The following OPCML variants were observed in gnomAD, a reference collection of about 807,000 sequenced individuals.
OPCML encodes opioid binding protein/cell adhesion molecule like, also known as opioid-binding protein/cell adhesion molecule.
A neutral mutation model predicts 37.8 loss-of-function variants in OPCML; 13 were observed. The observed-to-expected ratio is 0.34, with a 90% CI of 0.22 to 0.55. The LOEUF (loss-of-function observed/expected upper bound fraction) is 0.55. OPCML is among the 20% of genes least tolerant of loss of function. OPCML has a pLI of 0.91. For missense variants in OPCML, 341 were observed against 435.6 expected (o/e 0.78, Z 1.93); for synonymous variants, 176 against 168.8 (o/e 1.04, Z -0.33).
chr11:133,089,858 T>C (rs144897997), intron 1 of OPCML, among the ~76,000 whole-genome samples: 1 of 152,300 alleles, frequency 6.6e-6, no homozygotes, highest in Non-Finnish European at 1.5e-5. Context: ...TGTCAATGAT[T>C]TAATAAACAG....
intron 2 of OPCML, among the ~76,000 whole-genome samples, chr11:132,725,384 C>T (rs999255433): frequency 6.6e-6 from 1 of 152,180 alleles, no homozygotes; most frequent in African/African-American, 2.4e-5. Flanking sequence ...TTAGGATGCA[C>T]ACAGCAGGGG....
At chr11:132,434,211 C>T (rs976563363) in intron 7 of OPCML, among the ~76,000 whole-genome samples, 5 of 152,124 alleles carry the variant, frequency 3.3e-5, no homozygotes, top group African/African-American at 7.2e-5. Flanking sequence ...CACTGGGATG[C>T]GGGCAGCACT....
At position 133,140,531 on chromosome 11, in the gene OPCML, T is replaced by TAATAATAATAATAATAAGAAGAAG. The variant is rs1272061685; in HGVS notation, c.62-197522_62-197521insCTTCTTCTTATTATTATTATTATT. Among the ~76,000 whole-genome samples, 227 of 88,096 alleles carry TAATAATAATAATAATAAGAAGAAG rather than the reference T, an allele frequency of 2.6e-3. 1 individual carries two copies. Among genetic ancestry groups the TAATAATAATAATAATAAGAAGAAG allele is most frequent in the Middle Eastern group, 6.8e-3 (1 of 146 alleles). 57.8% of individuals were successfully genotyped at this position (88,096 alleles called of 152,430 possible). ...TGTCTCAAAATAATAATAATAATAA[T>TAATAATAATAATAATAAGAAGAAG]AAGAAGAAGAAGAAGAAGAAGAAGA... On this transcript the variant is annotated intron_variant, in intron 1 of 7. Transcript: ENST00000524381.
intron 2 of OPCML, among the ~76,000 whole-genome samples, chr11:132,897,593 G>C (rs1943898232): frequency 6.6e-6 from 1 of 152,214 alleles, no homozygotes; most frequent in South Asian, 2.1e-4. Context: ...ATCGGGCTTT[G>C]TGGACAAATG....
At chr11:132,469,670 GTGTGTGTATA>G (rs1444576553) in intron 4 of OPCML, among the ~76,000 whole-genome samples, 24 of 136,948 alleles carry the variant, frequency 1.8e-4, no homozygotes, top group African/African-American at 6.6e-4. Flanking sequence ...GGGGGTGTAT[GTGTGTGTATA>G]TGTGTGGGGG....
At chr11:133,219,447 T>G (rs566988) in intron 1 of OPCML, among the ~76,000 whole-genome samples, 50,742 of 151,886 alleles carry the variant, frequency 0.33, 9,275 homozygotes, top group African/African-American at 0.47. Context: ...TTTTGCCTAA[T>G]CTAGTTAATA....
intron 3 of OPCML, among the ~76,000 whole-genome samples, chr11:132,553,103 G>A (rs527587852): frequency 2.5e-4 from 38 of 152,086 alleles, no homozygotes; most frequent in Admixed American, 4.6e-4. Flanking sequence ...TGTGCTTTCC[G>A]CTATTGATGT....
Position 133,194,692 on chromosome 11 carries a change from A to C in OPCML, c.62-251682T>G, listed in dbSNP as rs1182508404. On this transcript the variant is annotated intron_variant, in intron 1 of 7. Transcript: ENST00000524381. ...TATAAAACACAAAAGCCTCTTCCTC[A>C]AGATCCTTTGAAAATTTCGTATTGC... Among the ~76,000 whole-genome samples, 4 of 152,190 alleles carry C rather than the reference A, an allele frequency of 2.6e-5. No individual in the cohort carries two copies. The South Asian group carries it at 6.2e-4, about 24-fold the overall frequency.
intron 1 of OPCML, among the ~76,000 whole-genome samples, chr11:133,471,892 C>A (rs1045440402): frequency 2.6e-5 from 4 of 152,112 alleles, no homozygotes; most frequent in Non-Finnish European, 5.9e-5. Context: ...TCCCTGCAAC[C>A]CTGACCAGCA....
rs539295959 is a variant in OPCML at position 133,342,353 on chromosome 11, G to A, written c.61+189911C>T. On this transcript the variant is annotated intron_variant, in intron 1 of 7. Coordinates refer to ENST00000524381, the MANE Select transcript of OPCML (RefSeq NM_001012393.5). ...ATGAGCACAGGAAACACCGCGCCCC[G>A]CACTCATGGTTATGCAACGCAACAA... Among the ~76,000 whole-genome samples the A allele has an allele frequency of 2.7e-4, 41 of 152,244 alleles. No individual in the cohort carries two copies. The East Asian group carries it at 5.4e-3, about 20-fold the overall frequency.
rs143695545 is a variant in OPCML at position 133,431,133 on chromosome 11, G to A, written c.61+101131C>T. Among the ~76,000 whole-genome samples, 324 of 152,238 alleles carry A rather than the reference G, an allele frequency of 2.1e-3. 1 individual carries two copies. The highest frequency in any genetic ancestry group is 0.011 in the Admixed American group (174 of 15,284). On this transcript the variant is annotated intron_variant, in intron 1 of 7. Transcript: ENST00000524381. ...ATAAGAATAATAACTATCTCATGCA[G>A]TTCTTAACATTAAATAAATATTTAT...
At position 133,428,391 on chromosome 11, in the gene OPCML, T is replaced by C. The variant is rs554985484; in HGVS notation, c.61+103873A>G. 2.0e-5 allele frequency among the ~76,000 whole-genome samples: 3 copies of C among 152,254 alleles called. No homozygotes were observed. In the South Asian group the frequency reaches 6.2e-4, roughly 32 times the overall value. ...GCAGAAGTTTTAGGCAAGGCATTGG[T>C]AGCATGATGAAAAGGGGATAGAATT... On this transcript the variant is annotated intron_variant, in intron 1 of 7. Transcript: ENST00000524381.
chr11:132,921,405 T>G (rs1266105629), intron 2 of OPCML, among the ~76,000 whole-genome samples: 1 of 152,222 alleles, frequency 6.6e-6, no homozygotes. Context: ...TCTCTAAGAA[T>G]TCTGACCACC....
At chr11:132,648,046 T>C (rs547522967) in intron 3 of OPCML, among the ~76,000 whole-genome samples, 60 of 152,168 alleles carry the variant, frequency 3.9e-4, no homozygotes, top group Non-Finnish European at 7.8e-4. Flanking sequence ...GGTTCGGAAA[T>C]GCAAGTGAGA....
chr11:132,761,507 T>C (rs535796695), intron 2 of OPCML, among the ~76,000 whole-genome samples: 63 of 151,672 alleles, frequency 4.2e-4, no homozygotes, highest in Non-Finnish European at 7.9e-4. Flanking sequence ...GTTCATTCCT[T>C]TTTATTCTTT....
chr11:132,627,493 C>T (rs903069788), intron 3 of OPCML, among the ~76,000 whole-genome samples: 1 of 152,200 alleles, frequency 6.6e-6, no homozygotes, highest in Non-Finnish European at 1.5e-5. Flanking sequence ...ACAGTTTACA[C>T]TATGGTGGTG....
intron 2 of OPCML, among the ~76,000 whole-genome samples, chr11:132,723,233 C>T (rs145083394): frequency 6.6e-6 from 1 of 152,320 alleles, no homozygotes; most frequent in East Asian, 1.9e-4. Context: ...CATTTACTCA[C>T]CAAAACCGTA....
rs190313242 is a variant in OPCML, at chr11:133,354,511, G to T, written c.61+177753C>A. On this transcript the variant is annotated intron_variant, in intron 1 of 7. Transcript: ENST00000524381. ...AATTCTGTAACTTGCTTAACTAGCA[G>T]GTGGTAATATTTCAATCCAAGTGGT... Among the ~76,000 whole-genome samples, 410 of 152,238 alleles carry T rather than the reference G, an allele frequency of 2.7e-3. 1 individual carries two copies. The highest frequency in any genetic ancestry group is 8.9e-3 in the African/African-American group (368 of 41,524).
chr11:132,472,312 T>C (rs937151024), intron 4 of OPCML, among the ~76,000 whole-genome samples: 11 of 152,176 alleles, frequency 7.2e-5, no homozygotes, highest in Non-Finnish European at 8.8e-5. Context: ...TAGTAAGCAC[T>C]CCACAAAAAT....
Sources: allele counts gnomAD v4.1 joint callset (sites outside exome capture counted in the v4.1 genomes callset), GRCh38; gene constraint gnomAD v4.1.1; transcripts MANE v1.5; gene names NCBI Gene and HGNC (gene_info 2026-07-23, HGNC 2026-07-21).